The following XRN2 variants were observed in gnomAD, a reference collection of about 807,000 sequenced individuals.
The protein encoded by XRN2 is 5'-3' exoribonuclease 2.
In XRN2, 44 loss-of-function variants were observed where a neutral mutation model predicts 138.5. The observed-to-expected ratio is 0.32, with a 90% confidence interval of 0.25 to 0.41. The LOEUF (loss-of-function observed/expected upper bound fraction) is 0.41. Among genes scored for constraint, XRN2 ranks in the 10% least tolerant of loss-of-function variants. XRN2 has a pLI of 1.00. For synonymous variants in XRN2, 354 were observed against 369.4 expected (o/e 0.96, Z 0.48); for missense variants, 937 against 1,169.3 (o/e 0.80, Z 2.90).
In XRN2 at chr20:21,348,154, T is replaced by C. The variant is rs1276711248; in HGVS notation, c.1674T>C (p.Ala558=). The change falls in exon 18 of 30, where the codon GCT becomes GCC. Residue 558 remains alanine, a synonymous_variant. Transcript: ENST00000377191. ...WVLRYYYQGC[A]SWKWYYPFHY... is the part of the protein sequence containing the mutation. Reference sequence around the variant, plus strand: ...TTTTTTAATGATTCTAGGGCTGTGCTTCCTGGAAGTGGTATTATCCATTTC... The same window carrying C: ...TTTTTTAATGATTCTAGGGCTGTGCCTCCTGGAAGTGGTATTATCCATTTC... 1.2e-6 allele frequency: 2 copies of C among 1,609,742 alleles called. No homozygotes were observed. Among genetic ancestry groups the C allele is most frequent in the Admixed American group, 3.4e-5 (2 of 58,924 alleles).
At chr20:21,328,431 TA>T (rs957740942) in intron 3 of XRN2, 127 bp from the exon 4 acceptor site, 14 of 890,708 alleles carry the variant, frequency 1.6e-5, no homozygotes, top group Admixed American at 8.2e-5. Flanking sequence ...AAAGGATTAT[TA>T]GACACATTAC....
At chr20:21,322,527 T>G (rs2038060604) in intron 1 of XRN2, among the ~76,000 whole-genome samples, 2 of 152,184 alleles carry the variant, frequency 1.3e-5, no homozygotes, top group Admixed American at 1.3e-4. Flanking sequence ...TCAGACATGA[T>G]TCATGGTTTT....
intron 3 of XRN2, among the ~76,000 whole-genome samples, chr20:21,328,325 G>A (rs1016255185): frequency 1.3e-5 from 2 of 152,202 alleles, no homozygotes; most frequent in African/African-American, 4.8e-5. Context: ...TTCATAGGAT[G>A]TTTGTCCATT....
intron 6 of XRN2, 81 bp downstream of exon 6, chr20:21,330,786 CCTT>C: frequency 1.5e-6 from 2 of 1,308,038 alleles, no homozygotes; most frequent in Non-Finnish European, 2.2e-6. Context: ...CATTATTTAT[CCTT>C]CTGCCCTGCC....
chr20:21,326,023 A>G (rs1312908724), intron 1 of XRN2, among the ~76,000 whole-genome samples: 1 of 152,216 alleles, frequency 6.6e-6, no homozygotes, highest in East Asian at 1.9e-4. Flanking sequence ...TCTCACTTGA[A>G]CAACCTGAAT....
rs558421939 is a variant in XRN2, at chr20:21,389,320, A to C, written c.2835A>C (p.Gly945=). The change falls in exon 30 of 30, where the codon GGA becomes GGC. Residue 945 remains glycine (G), a synonymous_variant. Transcript: ENST00000377191. ...GRKYPLPPPS[G]RYNWN is the part of the protein sequence containing the mutation. ...AATACCCTTTGCCACCACCCTCAGG[A>C]AGATACAATTGGAATTAAGCTTTTG... 1.1e-5 allele frequency: 17 copies of C among 1,613,170 alleles called. No homozygotes were observed. The South Asian group carries it at 1.9e-4, about 18-fold the overall frequency.
intron 20 of XRN2, among the ~76,000 whole-genome samples, chr20:21,351,670 AT>A (rs1217266792): frequency 5.3e-5 from 8 of 152,230 alleles, no homozygotes; most frequent in Admixed American, 3.3e-4. Context: ...CAAATCCGAC[AT>A]CATGAATCTT....
intron 1 of XRN2, among the ~76,000 whole-genome samples, chr20:21,313,147 T>C (rs983749454): frequency 3.3e-5 from 5 of 152,254 alleles, no homozygotes; most frequent in African/African-American, 1.2e-4. Flanking sequence ...AGTTAGGCTT[T>C]TCCTTAGTGG....
chr20:21,344,239 G>A (rs2038407882), intron 16 of XRN2, 31 bp downstream of exon 16: 5 of 1,515,236 alleles, frequency 3.3e-6, no homozygotes, highest in Non-Finnish European at 4.6e-6. Context: ...CACTTTGTTA[G>A]CAAATTGCTG....
chr20:21,331,923 T>G (rs550538026), intron 8 of XRN2, 105 bp downstream of exon 8: 3 of 1,272,792 alleles, frequency 2.4e-6, no homozygotes, highest in Non-Finnish European at 3.3e-6. Context: ...AGTTCCAAAA[T>G]GCCTTGGTTA....
intron 28 of XRN2, 77 bp downstream of exon 28, chr20:21,382,134 A>C: frequency 7.8e-7 from 1 of 1,277,198 alleles, no homozygotes; most frequent in South Asian, 1.4e-5. Flanking sequence ...TATGGAAGCT[A>C]AAACCTCTGT....
chr20:21,336,866 T>C (rs2038302070), intron 13 of XRN2, among the ~76,000 whole-genome samples: 1 of 152,148 alleles, frequency 6.6e-6, no homozygotes, highest in Non-Finnish European at 1.5e-5. Context: ...TGATTAAAGT[T>C]GTAAAGGATG....
At position 21,354,814 on chromosome 20, in the gene XRN2, T is replaced by C; in HGVS notation, c.1962T>C (p.Asp654=). Reference sequence around the variant, plus strand: ...GTGTTGCTCTCTTGCCATTCGTGGATGAGCGAAGGCTACGAGCTGCCCTAG... The same window carrying C: ...GTGTTGCTCTCTTGCCATTCGTGGACGAGCGAAGGCTACGAGCTGCCCTAG... The part of the protein sequence containing the change: ...WQGVALLPFV[D]ERRLRAALEE... The change falls in exon 21 of 30, where the codon GAT becomes GAC. Residue 654 remains aspartate (D), a synonymous_variant. Coordinates refer to ENST00000377191, the MANE Select transcript of XRN2 (RefSeq NM_012255.5). 1.9e-6 allele frequency: 3 copies of C among 1,614,074 alleles called. No homozygotes were observed. The highest frequency in any genetic ancestry group is 2.5e-6 in the Non-Finnish European group (3 of 1,179,964).
intron 15 of XRN2, among the ~76,000 whole-genome samples, chr20:21,342,200 CGT>C (rs2038380878): frequency 1.3e-5 from 2 of 152,194 alleles, no homozygotes; most frequent in South Asian, 4.2e-4. Flanking sequence ...ACAGATTTCT[CGT>C]GTTTTATTTT....
intron 27 of XRN2, among the ~76,000 whole-genome samples, chr20:21,375,440 G>GT (rs1355753847): frequency 2.0e-5 from 3 of 151,944 alleles, no homozygotes; most frequent in African/African-American, 7.2e-5. Context: ...GCACTTCAGT[G>GT]TTACAGATTT....
In XRN2 at chr20:21,306,700, TTA is replaced by T. The variant is rs1380504310; in HGVS notation, c.75+3229_75+3230del. Among the ~76,000 whole-genome samples, 12 of 76,392 alleles carry T rather than the reference TTA, an allele frequency of 1.6e-4. 4 individuals carry two copies. 50.1% of individuals were successfully genotyped at this position (76,392 alleles called of 152,430 possible). On this transcript the variant is annotated intron_variant, in intron 1 of 29. Coordinates refer to ENST00000377191, the MANE Select transcript of XRN2 (RefSeq NM_012255.5). ...TATTTGGAGACAACCAATATTGTTA[TTA>T]TGTTATAATAATTACTATGTTTATT...
intron 20 of XRN2, among the ~76,000 whole-genome samples, chr20:21,350,550 A>AAAAG (rs2038496401): frequency 6.6e-6 from 1 of 150,682 alleles, no homozygotes; most frequent in Non-Finnish European, 1.5e-5. Context: ...AAAAAAAAAA[A>AAAAG]AAAGAAATAT....
chr20:21,364,774 C>G (rs2038675255), intron 24 of XRN2, among the ~76,000 whole-genome samples: 1 of 150,656 alleles, frequency 6.6e-6, no homozygotes, highest in Non-Finnish European at 1.5e-5. Context: ...CCACTGCACT[C>G]CAGCCTGGGC....
At chr20:21,320,598 C>T (rs919249811) in intron 1 of XRN2, among the ~76,000 whole-genome samples, 1 of 149,022 alleles carries the variant, frequency 6.7e-6, no homozygotes, top group Non-Finnish European at 1.5e-5. Flanking sequence ...CACGCCCGGC[C>T]TTATTTATTT....
Sources: allele counts gnomAD v4.1 joint callset (sites outside exome capture counted in the v4.1 genomes callset), GRCh38; gene constraint gnomAD v4.1.1; transcripts MANE v1.5; gene names NCBI Gene and HGNC (gene_info 2026-07-23, HGNC 2026-07-21).